CMIP: variants seen among roughly 807,000 people sequenced by gnomAD.
The protein encoded by CMIP is c-Maf inducing protein.
A neutral mutation model predicts 97.3 loss-of-function variants in CMIP; 13 were observed. That is an observed-to-expected ratio of 0.13 (90% CI 0.09 to 0.21). The LOEUF is 0.21. Ranked by LOEUF, CMIP falls within the 10% of genes least tolerant of loss-of-function variation. The pLI is 1.00. For synonymous variants in CMIP, 538 were observed against 436.3 expected, an observed-to-expected ratio of 1.23 and a Z score of -2.91; for missense variants, 847 against 1,024.9, an observed-to-expected ratio of 0.83 and a Z score of 2.37.
chr16:81,652,961 C>T lies in CMIP; in HGVS notation c.639+597C>T, dbSNP rs185571512. 1.8e-4 allele frequency among the ~76,000 whole-genome samples: 28 copies of T among 152,218 alleles called. No homozygotes were observed. The South Asian group carries it at 2.9e-3, about 16-fold the overall frequency. On this transcript the variant is annotated intron_variant, in intron 4 of 20. Coordinates refer to ENST00000537098, the MANE Select transcript of CMIP (RefSeq NM_198390.3). This position sits in a 1 kb window ranked among gnomAD's most constrained non-coding sequence, Gnocchi z 5.2. The stretch of plus-strand genomic sequence containing the variant: ...CTGGGAATTCAAGCAAAGACAAGCC[C>T]CCTACCCCCCTGGAGCTTGTGTCCC...
chr16:81,683,913 G>A (rs765128673), intron 10 of CMIP, among the ~76,000 whole-genome samples: 18 of 149,206 alleles, frequency 1.2e-4, no homozygotes, highest in Non-Finnish European at 2.7e-4. Flanking sequence ...GGCATCTACC[G>A]CCTAGCCCGG....
intron 1 of CMIP, among the ~76,000 whole-genome samples, chr16:81,447,641 G>A (rs1905942816): frequency 6.6e-6 from 1 of 152,224 alleles, no homozygotes; most frequent in African/African-American, 2.4e-5. Flanking sequence ...CCATGCTCTG[G>A]TGTTAGGAAA....
At chr16:81,611,259 C>G (rs2091826794) in intron 2 of CMIP, 1 of 152,222 alleles carries the variant, frequency 6.6e-6, no homozygotes, top group Non-Finnish European at 1.5e-5. Context: ...GTGCTGACCT[C>G]GAGGCCTTTT....
intron 16 of CMIP, among the ~76,000 whole-genome samples, 186 bp from the exon 17 acceptor site, chr16:81,702,436 A>G (rs1365229692): frequency 6.6e-6 from 1 of 151,982 alleles, no homozygotes; most frequent in Non-Finnish European, 1.5e-5. Context: ...TCTTGGGATC[A>G]CCCTCCAGTA....
At chr16:81,670,112 C>T in intron 7 of CMIP, 30 bp from the exon 8 acceptor site, 1 of 1,586,748 alleles carries the variant, frequency 6.3e-7, no homozygotes, top group African/African-American at 1.3e-5. Flanking sequence ...CTAGCACCGT[C>T]CCGACTCCTG....
intron 7 of CMIP, 60 bp from the exon 8 acceptor site, chr16:81,670,082 G>C: frequency 6.6e-7 from 1 of 1,514,940 alleles, no homozygotes; most frequent in Non-Finnish European, 9.0e-7. Context: ...TGTCCTGGCT[G>C]CCCTGGGCTC....
Position 81,444,873 on chromosome 16 carries a change from G to A in CMIP, c.-369G>A, listed in dbSNP as rs1334305678. On this transcript the variant is annotated 5_prime_UTR_variant, in exon 1 of 21. Transcript: ENST00000537098. ...CACGCGCGCGGCGGCGCGGGGCCCCGAGACACGCCCGCCCCCACCCCGCCG... is the reference window on the plus strand; with the variant it reads ...CACGCGCGCGGCGGCGCGGGGCCCCAAGACACGCCCGCCCCCACCCCGCCG... Among the ~76,000 whole-genome samples the A allele has an allele frequency of 7.1e-6, 1 of 140,664 alleles. No homozygotes were observed. Among genetic ancestry groups the A allele is most frequent in the Non-Finnish European group, 1.6e-5 (1 of 63,670 alleles). The allele number at this position is 140,664 out of a possible 152,430, so 92.3% of individuals were successfully genotyped here. A position where few individuals can be genotyped will look rare whatever the true frequency, so the allele number is the denominator to read the frequency against.
chr16:81,608,723 A>G (rs2091783710), intron 2 of CMIP, among the ~76,000 whole-genome samples: 1 of 152,082 alleles, frequency 6.6e-6, no homozygotes, highest in African/African-American at 2.4e-5. Flanking sequence ...ACACATACAT[A>G]AGACATGTTA....
intron 10 of CMIP, among the ~76,000 whole-genome samples, chr16:81,680,727 C>T (rs1172710600): frequency 7.9e-5 from 12 of 152,190 alleles, no homozygotes; most frequent in Admixed American, 3.3e-4. Flanking sequence ...CAGCGGCAGC[C>T]GGGTTAGGGC....
At chr16:81,685,120 G>GC (rs1555550366) in intron 10 of CMIP, among the ~76,000 whole-genome samples, 1 of 152,158 alleles carries the variant, frequency 6.6e-6, no homozygotes, top group Non-Finnish European at 1.5e-5. Context: ...TCTGTCCAGC[G>GC]CCCCCCATTC....
intron 1 of CMIP, among the ~76,000 whole-genome samples, chr16:81,447,157 G>T (rs986359270): frequency 6.6e-6 from 1 of 152,054 alleles, no homozygotes; most frequent in African/African-American, 2.4e-5. Context: ...ACTGGTGACC[G>T]CGGTGCCCCC....
chr16:81,615,611 TTGTG>T (rs1172450386), intron 2 of CMIP, among the ~76,000 whole-genome samples: 2 of 136,334 alleles, frequency 1.5e-5, no homozygotes, highest in Non-Finnish European at 3.2e-5. Flanking sequence ...GTATGTGTCT[TTGTG>T]TGGTGTGTGT....
intron 6 of CMIP, among the ~76,000 whole-genome samples, chr16:81,661,262 G>T (rs1218145282): frequency 2.0e-5 from 3 of 152,226 alleles, no homozygotes; most frequent in Non-Finnish European, 4.4e-5. Flanking sequence ...ATTAGCCAAG[G>T]TTCCTCTGCG....
At chr16:81,593,385 G>A (rs2091495960) in intron 1 of CMIP, among the ~76,000 whole-genome samples, 1 of 152,060 alleles carries the variant, frequency 6.6e-6, no homozygotes, top group East Asian at 1.9e-4. Context: ...GGGTTGGAGG[G>A]CGGGGGGAGT....
intron 1 of CMIP, among the ~76,000 whole-genome samples, chr16:81,476,759 C>T (rs1330098007): frequency 6.6e-6 from 1 of 152,158 alleles, no homozygotes; most frequent in Non-Finnish European, 1.5e-5. Context: ...TAAACAATGC[C>T]ACAGTGAACA....
intron 1 of CMIP, among the ~76,000 whole-genome samples, chr16:81,496,540 G>A (rs2089494378): frequency 1.3e-5 from 2 of 152,254 alleles, no homozygotes; most frequent in Admixed American, 6.5e-5. Context: ...GTTTCATCCA[G>A]TGATAAAACC....
At chr16:81,532,133 G>A (rs1228602526) in intron 1 of CMIP, among the ~76,000 whole-genome samples, 4 of 152,332 alleles carry the variant, frequency 2.6e-5, no homozygotes, top group African/African-American at 7.2e-5. Context: ...AGCGAGGTGC[G>A]CAAGGTGCCC....
Position 81,652,349 on chromosome 16 carries a change from G to A in CMIP, c.624G>A (p.Ser208=), listed in dbSNP as rs562434205. 27 of 1,613,454 alleles carry A rather than the reference G, an allele frequency of 1.7e-5. No homozygotes were observed. Among genetic ancestry groups the A allele is most frequent in the South Asian group, 1.2e-4 (11 of 91,040 alleles). The change falls in exon 4 of 21, where the codon TCG becomes TCA. Residue 208 remains serine (S), a synonymous_variant. Coordinates refer to ENST00000537098, the MANE Select transcript of CMIP (RefSeq NM_198390.3). This position sits in a 1 kb window ranked among gnomAD's most constrained non-coding sequence, Gnocchi z 5.2. ...SINQAPLEIV[S]KLLSENTNLT... ...ACCAGGCCCCACTGGAAATCGTCTC[G>A]AAACTGCTCTCAGAGGTAAAACCCC...
At chr16:81,532,190 A>G (rs2090250725) in intron 1 of CMIP, among the ~76,000 whole-genome samples, 1 of 152,226 alleles carries the variant, frequency 6.6e-6, no homozygotes, top group Non-Finnish European at 1.5e-5. Flanking sequence ...CCCAGGGCTC[A>G]GGAGTCCATG....
Sources: allele counts gnomAD v4.1 joint callset (sites outside exome capture counted in the v4.1 genomes callset), GRCh38; gene constraint gnomAD v4.1.1; non-coding constraint Gnocchi (gnomAD v3.1); transcripts MANE v1.5; gene names NCBI Gene and HGNC (gene_info 2026-07-23, HGNC 2026-07-21).